GYPB: variants seen among roughly 807,000 people sequenced by gnomAD.
GYPB encodes the protein glycophorin-B.
In GYPB, 13 loss-of-function variants were observed where a neutral mutation model predicts 15.3. The observed-to-expected ratio is 0.85, with a 90% CI of 0.55 to 1.35. GYPB has a LOEUF of 1.35. GYPB is among the 40% of genes most tolerant of loss of function. GYPB has a pLI of 0.00. For synonymous variants in GYPB, 38 were observed against 36.9 expected (o/e 1.03, Z -0.11); for missense variants, 131 against 108.3 (o/e 1.21, Z -0.93).
chr4:144,017,388 G>C (rs150418066), intron 1 of GYPB, among the ~76,000 whole-genome samples: 1,997 of 150,200 alleles, frequency 0.013, 145 homozygotes, highest in African/African-American at 0.047. Context: ...ACCATGTTTA[G>C]TCTTCGGCTA....
rs372591886 is a variant in GYPB at position 143,996,311 on chromosome 4, T to C, written c.271-7A>G. The C allele has an allele frequency of 1.9e-6, 3 of 1,550,730 alleles. 1 individual carries two copies. The highest frequency in any genetic ancestry group is 2.8e-5 in the African/African-American group (2 of 71,934). ...GCAGGCCACATCCTCATGCCTGTGA[T>C]AAAAAGACAAGAAGTTTCCACTTCA... On this transcript the variant is annotated splice_region_variant and splice_polypyrimidine_tract_variant and intron_variant, in intron 4 of 4. Transcript: ENST00000502664.
chr4:144,015,892 C>T (rs929409207), intron 1 of GYPB, among the ~76,000 whole-genome samples: 4 of 150,966 alleles, frequency 2.6e-5, no homozygotes, highest in African/African-American at 9.9e-5. Flanking sequence ...CTGAGGCCCA[C>T]AGGTGTTAAA....
Position 144,019,350 on chromosome 4 carries a change from G to A in GYPB, c.-63C>T. On this transcript the variant is annotated 5_prime_UTR_variant, in exon 1 of 5. Transcript: ENST00000502664. ...AAAACTACCAAAGACAACTGCAAGT[G>A]TCAGTGTCTGGCCTTAGCCTACTAG... 1.2e-6 allele frequency: 2 copies of A among 1,611,440 alleles called. No homozygotes were observed. The highest frequency in any genetic ancestry group is 1.7e-6 in the Non-Finnish European group (2 of 1,179,178).
chr4:144,014,993 T>C (rs1306504718), intron 1 of GYPB, among the ~76,000 whole-genome samples: 1 of 151,368 alleles, frequency 6.6e-6, no homozygotes, highest in Admixed American at 6.6e-5. Flanking sequence ...CAAAGAAAGA[T>C]GACATCATTT....
intron 1 of GYPB, chr4:144,016,695 AT>A: frequency 2.9e-6 from 1 of 340,126 alleles, no homozygotes; most frequent in South Asian, 2.4e-5. Flanking sequence ...TTATGCCATA[AT>A]TTCCTAGTTG....
intron 1 of GYPB, among the ~76,000 whole-genome samples, chr4:144,006,142 T>G (rs970684308): frequency 1.3e-5 from 2 of 151,880 alleles, no homozygotes; most frequent in South Asian, 2.1e-4. Flanking sequence ...GCTATGGTAC[T>G]TAGTACAAAG....
At chr4:144,010,721 C>T (rs1191899045) in intron 1 of GYPB, among the ~76,000 whole-genome samples, 6 of 151,272 alleles carry the variant, frequency 4.0e-5, no homozygotes, top group East Asian at 3.9e-4. Context: ...AATGCACTCA[C>T]GGCCCGCACA....
At chr4:144,014,354 T>G (rs1343745644) in intron 1 of GYPB, among the ~76,000 whole-genome samples, 2 of 151,778 alleles carry the variant, frequency 1.3e-5, no homozygotes. Context: ...TTTAATCAAA[T>G]GATGGATCGA....
chr4:143,997,552 G>A lies in GYPB; in HGVS notation c.258C>T (p.Arg86=), dbSNP rs762422350. ...ACTGAATTCTCACCTTTATCAGTCG[G>A]CGAATACTGTAAGAAATTAAGAGGA... ...GTILLISYSI[R]RLIKA is the part of the protein sequence containing the mutation. The change falls in exon 4 of 5, where the codon CGC becomes CGT. Residue 86 remains arginine, a synonymous_variant. Transcript: ENST00000502664. 6.3e-7 allele frequency: 1 copy of A among 1,577,346 alleles called. No individual in the cohort carries two copies. The highest frequency in any genetic ancestry group is 1.1e-5 in the South Asian group (1 of 90,244).
intron 1 of GYPB, among the ~76,000 whole-genome samples, chr4:144,011,444 A>G (rs1325262393): frequency 6.6e-6 from 1 of 151,346 alleles, no homozygotes; most frequent in Non-Finnish European, 1.5e-5. Flanking sequence ...TAGGCAAAGT[A>G]GAATTAAGAG....
intron 4 of GYPB, chr4:143,997,316 G>A: frequency 2.5e-6 from 1 of 395,884 alleles, no homozygotes; most frequent in South Asian, 3.2e-5. Flanking sequence ...TCTTTCATTG[G>A]GAAAATGGGG....
intron 1 of GYPB, among the ~76,000 whole-genome samples, chr4:144,015,464 T>C (rs1267549552): frequency 1.3e-5 from 2 of 151,336 alleles, no homozygotes; most frequent in East Asian, 1.9e-4. Context: ...GCAAAAGATA[T>C]TACATTTGCA....
intron 1 of GYPB, among the ~76,000 whole-genome samples, chr4:144,005,744 C>A (rs1199033898): frequency 6.6e-6 from 1 of 151,734 alleles, no homozygotes; most frequent in Non-Finnish European, 1.5e-5. Context: ...AATAGACAGA[C>A]CTTGTGCCAA....
intron 1 of GYPB, chr4:144,012,619 A>G (rs1728273595): frequency 6.6e-6 from 1 of 151,562 alleles, no homozygotes. Context: ...TGCCCCAAGA[A>G]CAGACATATT....
chr4:144,014,407 T>A (rs572827690), intron 1 of GYPB, among the ~76,000 whole-genome samples: 1 of 151,786 alleles, frequency 6.6e-6, no homozygotes, highest in Non-Finnish European at 1.5e-5. Flanking sequence ...CATCAAATGA[T>A]GGATGGATAA....
intron 1 of GYPB, among the ~76,000 whole-genome samples, chr4:144,017,477 G>A (rs1260732559): frequency 6.6e-6 from 1 of 151,220 alleles, no homozygotes; most frequent in African/African-American, 2.5e-5. Flanking sequence ...TTTCCTTGGA[G>A]GGTTTCTGCT....
intron 4 of GYPB, among the ~76,000 whole-genome samples, chr4:143,996,631 A>G (rs1371293797): frequency 6.6e-6 from 1 of 150,502 alleles, no homozygotes; most frequent in Non-Finnish European, 1.5e-5. Context: ...TTAGTCAGGC[A>G]TGGTAGCCCG....
chr4:144,002,825 A>G (rs1455400854), intron 1 of GYPB: 1 of 440,478 alleles, frequency 2.3e-6, no homozygotes, highest in Non-Finnish European at 4.1e-6. Flanking sequence ...ATCATGGAGA[A>G]GACATGATCT....
At chr4:144,002,670 C>T (rs1226599840) in intron 1 of GYPB, 3 of 1,285,924 alleles carry the variant, frequency 2.3e-6, no homozygotes, top group Non-Finnish European at 3.0e-6. Context: ...CCAACTTGGC[C>T]CCTCAGCTGA....
Sources: allele counts gnomAD v4.1 joint callset (sites outside exome capture counted in the v4.1 genomes callset), GRCh38; gene constraint gnomAD v4.1.1; transcripts MANE v1.5; gene names NCBI Gene and HGNC (gene_info 2026-07-23, HGNC 2026-07-21).